The following MICB variants were observed in gnomAD, a reference collection of about 807,000 sequenced individuals.
The protein encoded by MICB is MHC class I antigen-related protein B.
In MICB, 27 loss-of-function variants were observed where a neutral mutation model predicts 34.3. That is an observed-to-expected ratio of 0.79 (90% confidence interval 0.58 to 1.08). The LOEUF (loss-of-function observed/expected upper bound fraction) is 1.08. MICB is among the 50% of genes least tolerant of loss of function. The pLI, the probability that MICB is intolerant of heterozygous loss-of-function variation, is 0.00. For synonymous variants in MICB, 153 were observed against 187.4 expected (o/e 0.82, Z 1.50); for missense variants, 426 against 483.1 (o/e 0.88, Z 1.11).
At chr6:31,506,923 A>C in intron 3 of MICB, 99 bp from the exon 4 acceptor site, 3 of 1,528,334 alleles carry the variant, frequency 2.0e-6, no homozygotes, top group East Asian at 2.3e-5. Context: ...TCTGTGAGGG[A>C]TTCAGCCAGA....
intron 2 of MICB, 75 bp from the exon 3 acceptor site, chr6:31,506,068 G>A (rs1394461526): frequency 5.2e-6 from 8 of 1,524,448 alleles, no homozygotes; most frequent in African/African-American, 2.8e-5. Flanking sequence ...AGGGGTCGCT[G>A]CTGGGCTGAG....
chr6:31,504,632 ACT>A (rs1765197727), intron 1 of MICB, among the ~76,000 whole-genome samples: 1 of 147,078 alleles, frequency 6.8e-6, no homozygotes, highest in Non-Finnish European at 1.5e-5. Flanking sequence ...TTGCTTTCTC[ACT>A]CTGATTGTGC....
Position 31,499,193 on chromosome 6 carries a change from T to C in MICB, c.70+930T>C, listed in dbSNP as rs1171319119. Among the ~76,000 whole-genome samples, 8 of 152,040 alleles carry C rather than the reference T, an allele frequency of 5.3e-5. 1 individual carries two copies. The South Asian group carries it at 1.5e-3, about 28-fold the overall frequency. ...AGGATTCTTCCTGCGACTTCTGTCA[T>C]CCCCAGCTCATTCTCCCCTCGCCTC... On this transcript the variant is annotated intron_variant, in intron 1 of 5. Coordinates refer to ENST00000252229, the MANE Select transcript of MICB (RefSeq NM_005931.5).
At position 31,504,248 on chromosome 6, in the gene MICB, C is replaced by CTTTTTTTTTTTT. The variant is rs41283858; in HGVS notation, c.71-1364_71-1363insTTTTTTTTTTTT. 2.0e-4 allele frequency among the ~76,000 whole-genome samples: 14 copies of CTTTTTTTTTTTT among 71,430 alleles called. 1 individual carries two copies. The highest frequency in any genetic ancestry group is 1.3e-3 in the East Asian group (3 of 2,248). The allele number at this position is 71,430 out of a possible 152,430, so 46.9% of individuals were successfully genotyped here. A position where few individuals can be genotyped will look rare whatever the true frequency, so the allele number is the denominator to read the frequency against. Reference sequence around the variant, plus strand: ...GCATATTCTGGAAACTAATCTCTCTCTTTTTCTTTTTTTTTTTTTTTTTTT... The same window carrying CTTTTTTTTTTTT: ...GCATATTCTGGAAACTAATCTCTCTCTTTTTTTTTTTTTTTTTCTTTTTTTTTTTTTTTTTTT... On this transcript the variant is annotated intron_variant, in intron 1 of 5. Transcript: ENST00000252229.
intron 1 of MICB, among the ~76,000 whole-genome samples, chr6:31,501,975 T>C (rs1582869276): frequency 6.6e-6 from 1 of 152,172 alleles, no homozygotes; most frequent in East Asian, 1.9e-4. Flanking sequence ...AAGAATGTCA[T>C]TGGTGTTTTG....
chr6:31,505,381 C>T (rs1349326139), intron 1 of MICB, among the ~76,000 whole-genome samples: 3 of 152,234 alleles, frequency 2.0e-5, no homozygotes, highest in African/African-American at 7.2e-5. Context: ...CCACCCAGTC[C>T]TGGCACCTGA....
At position 31,507,187 on chromosome 6, in the gene MICB, G is replaced by A; in HGVS notation, c.779G>A (p.Gly260Glu). Reference protein sequence around the residue: ...TQQWGDVLPDGNGTYQTWVAT... With the variant: ...TQQWGDVLPDENGTYQTWVAT... ...CAGTGGGGGGATGTCCTGCCTGATG[G>A]GAATGGAACCTACCAGACCTGGGTG... Residue 260 changes from glycine to glutamate, a missense_variant, in exon 4 of 6, where the codon GGG becomes GAG. Physicochemically the swap from Gly to Glu is moderately conservative, Grantham distance 98. Coordinates refer to ENST00000252229, the MANE Select transcript of MICB (RefSeq NM_005931.5). This position sits in a 1 kb window ranked among gnomAD's most constrained non-coding sequence, Gnocchi z 6.0. 1 of 1,614,128 alleles carries A rather than the reference G, an allele frequency of 6.2e-7. No individual in the cohort carries two copies. Among genetic ancestry groups the A allele is most frequent in the Non-Finnish European group, 8.5e-7 (1 of 1,180,020 alleles).
At position 31,510,553 on chromosome 6, in the gene MICB, T is replaced by G. The variant is rs988358554; in HGVS notation, c.*644T>G. ...TCTGTTGTTTTTGTTTTTGTTTTTG[T>G]TTTTGTTTTTGAGACAGAGTCTCAC... On this transcript the variant is annotated 3_prime_UTR_variant, in exon 6 of 6. Transcript: ENST00000252229. The G allele has an allele frequency of 2.0e-5, 3 of 152,548 alleles. No individual in the cohort carries two copies. The highest frequency in any genetic ancestry group is 7.2e-5 in the African/African-American group (3 of 41,412). The allele number at this position is 152,548 out of a possible 1,614,324, so 9.4% of individuals were successfully genotyped here.
intron 3 of MICB, 152 bp downstream of exon 3, chr6:31,506,582 C>A: frequency 2.3e-6 from 2 of 864,610 alleles, no homozygotes; most frequent in Non-Finnish European, 3.5e-6. Context: ...CTGTTAGAGC[C>A]ATTGGATAAA....
upstream of MICB, among the ~76,000 whole-genome samples, chr6:31,495,836 A>G (rs1764624313): frequency 6.6e-6 from 1 of 152,106 alleles, no homozygotes; most frequent in African/African-American, 2.4e-5. Flanking sequence ...GCAGTGAGCT[A>G]TAATCACACC....
chr6:31,499,373 G>T (rs774175251), intron 1 of MICB, among the ~76,000 whole-genome samples: 6 of 151,950 alleles, frequency 3.9e-5, no homozygotes, highest in Non-Finnish European at 7.4e-5. Context: ...CCTGTGTGCT[G>T]TTCTCTGATC....
intron 3 of MICB, 92 bp downstream of exon 3, chr6:31,506,522 TA>T: frequency 7.2e-7 from 1 of 1,394,354 alleles, no homozygotes. Context: ...CTCCCTGTGC[TA>T]TGGATGCAGG....
At chr6:31,500,845 C>G (rs61463031) in intron 1 of MICB, among the ~76,000 whole-genome samples, 9,446 of 152,230 alleles carry the variant, frequency 0.062, 505 homozygotes, top group South Asian at 0.26. Context: ...ACACTTAGGT[C>G]GCTTGCAGAT....
Position 31,507,600 on chromosome 6 carries a change from C to G in MICB, c.1024+69C>G, listed in dbSNP as rs1463229139. The G allele has an allele frequency of 1.3e-5, 21 of 1,583,240 alleles. No individual in the cohort carries two copies. The South Asian group carries it at 1.9e-4, about 14-fold the overall frequency. On this transcript the variant is annotated intron_variant, in intron 5 of 5. Transcript: ENST00000252229. The surrounding 1 kb of genome is among the most constrained non-coding windows in gnomAD (Gnocchi z 6.0). ...TAGGCAGTAGGGTCTCCTCATTGCT[C>G]CTGCCCAGACAAGACGTAGGTGACA...
At chr6:31,499,670 G>A (rs1396456901) in intron 1 of MICB, among the ~76,000 whole-genome samples, 3 of 151,584 alleles carry the variant, frequency 2.0e-5, no homozygotes, top group African/African-American at 2.4e-5. Context: ...TCCAGTGCAG[G>A]TGCCTGCTCT....
rs1765378198 is a variant in MICB, at chr6:31,507,049, G to T, written c.641G>T (p.Ser214Ile). 1.9e-5 allele frequency: 30 copies of T among 1,613,904 alleles called. No individual in the cohort carries two copies. Among genetic ancestry groups the T allele is most frequent in the Non-Finnish European group, 2.5e-5 (30 of 1,179,816 alleles). ...TVPPMVNVTCSEVSEGNITVT... is the reference protein window; with the variant it reads ...TVPPMVNVTCIEVSEGNITVT... ...CCCCCCATGGTGAATGTCACCTGCA[G>T]CGAGGTCTCAGAGGGCAACATCACC... Residue 214 changes from serine to isoleucine, a missense_variant, in exon 4 of 6, where the codon AGC (serine) becomes ATC (isoleucine). Physicochemically the swap from Ser to Ile is moderately radical, Grantham distance 142. Coordinates refer to ENST00000252229, the MANE Select transcript of MICB (RefSeq NM_005931.5). This position sits in a 1 kb window ranked among gnomAD's most constrained non-coding sequence, Gnocchi z 6.0.
rs1765429441 is a variant in MICB at position 31,507,589 on chromosome 6, T to C, written c.1024+58T>C. 2 of 1,596,102 alleles carry C rather than the reference T, an allele frequency of 1.3e-6. No individual in the cohort carries two copies. The highest frequency in any genetic ancestry group is 1.7e-6 in the Non-Finnish European group (2 of 1,165,896). ...AAGCTCCTTTCTAGGCAGTAGGGTCTCCTCATTGCTCCTGCCCAGACAAGA... is the reference window on the plus strand; with the variant it reads ...AAGCTCCTTTCTAGGCAGTAGGGTCCCCTCATTGCTCCTGCCCAGACAAGA... On this transcript the variant is annotated intron_variant, in intron 5 of 5. Coordinates refer to ENST00000252229, the MANE Select transcript of MICB (RefSeq NM_005931.5). The surrounding 1 kb of genome is among the most constrained non-coding windows in gnomAD (Gnocchi z 6.0).
In MICB at chr6:31,507,987, A is replaced by G. The variant is rs3093952; in HGVS notation, c.1024+456A>G. Among the ~76,000 whole-genome samples the G allele has an allele frequency of 0.77, 117,652 of 152,140 alleles. 45,740 individuals are homozygous for G. The highest frequency in any genetic ancestry group is 0.88 in the East Asian group (4,551 of 5,162). ...CTGGAGAGGAATCCAAGGAGAGGCG[A>G]TGCCCACCCGTGTGCCTCCTCCAGG... On this transcript the variant is annotated intron_variant, in intron 5 of 5. Coordinates refer to ENST00000252229, the MANE Select transcript of MICB (RefSeq NM_005931.5). This position sits in a 1 kb window ranked among gnomAD's most constrained non-coding sequence, Gnocchi z 6.0.
chr6:31,501,748 A>G (rs1199350618), intron 1 of MICB, among the ~76,000 whole-genome samples: 2 of 152,074 alleles, frequency 1.3e-5, no homozygotes, highest in Non-Finnish European at 2.9e-5. Context: ...CTGTAGATAT[A>G]TGGATTTGTT....
Sources: allele counts gnomAD v4.1 joint callset (sites outside exome capture counted in the v4.1 genomes callset), GRCh38; gene constraint gnomAD v4.1.1; non-coding constraint Gnocchi (gnomAD v3.1); transcripts MANE v1.5; gene names NCBI Gene and HGNC (gene_info 2026-07-23, HGNC 2026-07-21).